SGCZ: variants seen among roughly 807,000 people sequenced by gnomAD.
The protein encoded by SGCZ is zeta-sarcoglycan.
In SGCZ, 40 loss-of-function variants were observed where a neutral mutation model predicts 41.3. The ratio of observed to expected loss-of-function variants is 0.97; its 90% CI spans 0.75 to 1.26. SGCZ has a LOEUF of 1.26. Ranked by LOEUF, SGCZ falls within the 50% of genes most tolerant of loss-of-function variation. SGCZ has a pLI of 0.00. For missense variants in SGCZ, 552 were observed against 369.8 expected (o/e 1.49, Z -4.04); for synonymous variants, 206 against 137.5 (o/e 1.50, Z -3.49).
At chr8:14,341,714 G>C (rs550416643) in intron 2 of SGCZ, among the ~76,000 whole-genome samples, 1 of 152,264 alleles carries the variant, frequency 6.6e-6, no homozygotes, top group Admixed American at 6.5e-5. Flanking sequence ...AGTCATTCCT[G>C]TGCTATTCTT....
At chr8:14,103,252 CTTCAAATA>C (rs1802091567) in intron 6 of SGCZ, among the ~76,000 whole-genome samples, 1 of 149,432 alleles carries the variant, frequency 6.7e-6, no homozygotes, top group Admixed American at 6.8e-5. Context: ...TTCAAACTAT[CTTCAAATA>C]TAACACTAGA....
intron 1 of SGCZ, among the ~76,000 whole-genome samples, chr8:14,572,490 C>T (rs966588632): frequency 6.9e-5 from 10 of 145,542 alleles, no homozygotes; most frequent in Admixed American, 2.7e-4. Flanking sequence ...TAATCCTCAC[C>T]GAACCCAGAG....
chr8:14,352,054 A>G (rs893646007), intron 2 of SGCZ, among the ~76,000 whole-genome samples: 1 of 152,184 alleles, frequency 6.6e-6, no homozygotes, highest in African/African-American at 2.4e-5. Context: ...AGTTGTAAAC[A>G]GTAGTATTAT....
At chr8:14,944,061 A>C (rs1028446277) in intron 1 of SGCZ, among the ~76,000 whole-genome samples, 1 of 152,092 alleles carries the variant, frequency 6.6e-6, no homozygotes, top group East Asian at 1.9e-4. Flanking sequence ...TATTACTGTG[A>C]TGATCATACT....
At chr8:14,660,025 G>A (rs775090168) in intron 1 of SGCZ, among the ~76,000 whole-genome samples, 7 of 152,164 alleles carry the variant, frequency 4.6e-5, no homozygotes, top group Non-Finnish European at 8.8e-5. Flanking sequence ...CAGGAGCTAA[G>A]AGAGAAGTTT....
At chr8:14,522,603 C>T (rs116202460) in intron 2 of SGCZ, among the ~76,000 whole-genome samples, 358 of 151,662 alleles carry the variant, frequency 2.4e-3, no homozygotes, top group African/African-American at 8.3e-3. Context: ...CTTGTGTCTT[C>T]GCTCTCTCAT....
At chr8:14,230,931 G>A (rs533302756) in intron 4 of SGCZ, among the ~76,000 whole-genome samples, 19 of 151,804 alleles carry the variant, frequency 1.3e-4, no homozygotes, top group African/African-American at 3.9e-4. Context: ...AAACATACGT[G>A]GTTGTACAAA....
chr8:15,174,347 G>C (rs1374540977), intron 1 of SGCZ, among the ~76,000 whole-genome samples: 1 of 152,100 alleles, frequency 6.6e-6, no homozygotes, highest in East Asian at 1.9e-4. Context: ...TTGTTTCCAT[G>C]TTTTTGCTGT....
At chr8:14,100,015 C>T (rs892620146) in intron 7 of SGCZ, among the ~76,000 whole-genome samples, 4 of 152,054 alleles carry the variant, frequency 2.6e-5, no homozygotes, top group Admixed American at 1.3e-4. Flanking sequence ...TAAAAACTAT[C>T]TAAGGATAAG....
rs554171258 is a variant in SGCZ, at chr8:14,303,679, T to G, written c.336+20424A>C. On this transcript the variant is annotated intron_variant, in intron 3 of 7. Coordinates refer to ENST00000382080, the MANE Select transcript of SGCZ (RefSeq NM_139167.4). ...TGAAACACCAGTGTCTTCTTGGTTT[T>G]TAGTGAAAATATTAGCCAATTTCTA... is the stretch of plus-strand genomic sequence containing the variant. 2.6e-5 allele frequency among the ~76,000 whole-genome samples: 4 copies of G among 152,162 alleles called. No individual in the cohort carries two copies. In the East Asian group the frequency reaches 7.7e-4, roughly 29 times the overall value.
At chr8:14,645,478 T>TTATA (rs1046258520) in intron 1 of SGCZ, among the ~76,000 whole-genome samples, 13 of 106,576 alleles carry the variant, frequency 1.2e-4, no homozygotes, top group East Asian at 3.3e-4. Context: ...ATATATATAT[T>TTATA]TATATGTATA....
intron 4 of SGCZ, among the ~76,000 whole-genome samples, chr8:14,204,280 G>GTTT (rs11384632): frequency 2.3e-4 from 33 of 146,342 alleles, no homozygotes; most frequent in South Asian, 1.5e-3. Flanking sequence ...CACTCTGAAT[G>GTTT]TTTTTTTTTT....
At chr8:15,026,154 CA>C (rs1803450878) in intron 1 of SGCZ, among the ~76,000 whole-genome samples, 1 of 150,260 alleles carries the variant, frequency 6.7e-6, no homozygotes, top group Admixed American at 6.6e-5. Flanking sequence ...ATGTTTATAT[CA>C]AATCTAATTT....
intron 1 of SGCZ, among the ~76,000 whole-genome samples, chr8:14,785,181 T>G (rs1209078741): frequency 6.6e-6 from 1 of 151,402 alleles, no homozygotes; most frequent in Non-Finnish European, 1.5e-5. Flanking sequence ...TTTACTTGAT[T>G]GCTATCTGGA....
At chr8:14,392,828 A>C (rs1804822880) in intron 2 of SGCZ, among the ~76,000 whole-genome samples, 1 of 105,796 alleles carries the variant, frequency 9.5e-6, no homozygotes, top group South Asian at 2.7e-4. Flanking sequence ...TCAAATTCTA[A>C]GTGAGATTTG....
chr8:14,768,438 G>C (rs566217931), intron 1 of SGCZ, among the ~76,000 whole-genome samples: 1 of 152,226 alleles, frequency 6.6e-6, no homozygotes, highest in African/African-American at 2.4e-5. Context: ...AATGACTTAA[G>C]CACTGTGGGG....
intron 1 of SGCZ, among the ~76,000 whole-genome samples, chr8:15,112,625 T>C (rs1037254480): frequency 6.6e-6 from 1 of 152,192 alleles, no homozygotes; most frequent in Admixed American, 6.5e-5. Context: ...TCATCACTTG[T>C]GATGCTTGTT....
intron 2 of SGCZ, among the ~76,000 whole-genome samples, chr8:14,540,377 C>T (rs540953430): frequency 6.7e-6 from 1 of 150,278 alleles, no homozygotes; most frequent in South Asian, 2.2e-4. Flanking sequence ...TGAATATTAC[C>T]TTTCTAATAC....
chr8:14,086,333 C>A lies in SGCZ; in HGVS notation c.*4110G>T, dbSNP rs1449366280. Reference sequence around the variant, plus strand: ...ATAACACTCATATGCATTAGACGCTCTCCAGGCTATTGCTGCCTCATACAG... The same window carrying A: ...ATAACACTCATATGCATTAGACGCTATCCAGGCTATTGCTGCCTCATACAG... On this transcript the variant is annotated 3_prime_UTR_variant, in exon 8 of 8. Coordinates refer to ENST00000382080, the MANE Select transcript of SGCZ (RefSeq NM_139167.4). 6.6e-6 allele frequency among the ~76,000 whole-genome samples: 1 copy of A among 151,694 alleles called. No homozygotes were observed. Among genetic ancestry groups the A allele is most frequent in the Non-Finnish European group, 1.5e-5 (1 of 67,740 alleles).
Sources: gnomAD v4.1 joint callset for allele counts (sites outside exome capture counted in the v4.1 genomes callset) on GRCh38, gnomAD v4.1.1 for gene constraint, MANE v1.5 for transcripts, NCBI Gene and HGNC (gene_info 2026-07-23, HGNC 2026-07-21) for gene names.